Variants in MYO7A observed in about 807,000 individuals in gnomAD.
MYO7A encodes the protein unconventional myosin-VIIa.
Under a neutral mutation model 263.8 loss-of-function variants are expected in MYO7A, and 210 were observed. The ratio of observed to expected loss-of-function variants is 0.80; its 90% CI spans 0.71 to 0.89. MYO7A has a LOEUF of 0.89. Ranked by LOEUF, MYO7A falls within the 40% of genes least tolerant of loss-of-function variation. MYO7A has a pLI of 0.00. For synonymous variants in MYO7A, 1,239 were observed against 1,197.3 expected (o/e 1.03, Z -0.72); for missense variants, 2,820 against 2,968.3 (o/e 0.95, Z 1.16).
chr11:77,165,457 C>T (rs1953447053), intron 14 of MYO7A, among the ~76,000 whole-genome samples: 2 of 152,314 alleles, frequency 1.3e-5, no homozygotes, highest in Middle Eastern at 3.4e-3. Context: ...CAGAGAATCT[C>T]CTTTGCACCA....
intron 33 of MYO7A, 143 bp from the exon 34 acceptor site, chr11:77,198,352 C>T (rs77410869): frequency 0.016 from 17,954 of 1,142,698 alleles, 213 homozygotes; most frequent in Middle Eastern, 0.019. Flanking sequence ...TGGCACGTAG[C>T]GAGTTTGTGC....
At chr11:77,202,156 C>T (rs971068034) in intron 36 of MYO7A, 144 bp from the exon 37 acceptor site, 5 of 1,076,562 alleles carry the variant, frequency 4.6e-6, no homozygotes, top group South Asian at 2.0e-5. Flanking sequence ...CAAGGAGGAA[C>T]GGGGCTCCCA....
At chr11:77,145,747 T>C (rs2135677510) in intron 3 of MYO7A, among the ~76,000 whole-genome samples, 1 of 152,280 alleles carries the variant, frequency 6.6e-6, no homozygotes, top group South Asian at 2.1e-4. Context: ...GTTGAAGTGC[T>C]GCTGGCCCAG....
At chr11:77,203,287 T>C in intron 38 of MYO7A, 70 bp downstream of exon 38, 1 of 1,500,680 alleles carries the variant, frequency 6.7e-7, no homozygotes, top group South Asian at 1.3e-5. Context: ...CACACTGCCT[T>C]CCTCCTGAGG....
intron 35 of MYO7A, among the ~76,000 whole-genome samples, chr11:77,201,183 C>T (rs147650414): frequency 1.1e-3 from 173 of 152,208 alleles, no homozygotes; most frequent in African/African-American, 4.0e-3. Context: ...GGAGGAGAGG[C>T]GAGGTGGAAG....
chr11:77,194,007 G>A (rs1449769199), intron 31 of MYO7A: 1 of 509,768 alleles, frequency 2.0e-6, no homozygotes, highest in South Asian at 1.5e-5. Context: ...TCTGCTGTTT[G>A]TCAGCTCTGG....
At position 77,211,331 on chromosome 11, in the gene MYO7A, G is replaced by C; in HGVS notation, c.6231G>C (p.Trp2077Cys). The change falls in exon 45 of 49, where the codon TGG (tryptophan) becomes TGC (cysteine). Residue 2077 changes from tryptophan (W) to cysteine (C), a missense_variant. Physicochemically the swap from Trp to Cys is radical, Grantham distance 215. Transcript: ENST00000409709. ...DLIRQVSPDDWKRSIVAYFNK... is the reference protein window; with the variant it reads ...DLIRQVSPDDCKRSIVAYFNK... ...TCCGGCAGGTCTCACCTGATGACTG[G>C]AAGCGGGTGAGCATGGGGTGGGCAT... 1 of 1,578,616 alleles carries C rather than the reference G, an allele frequency of 6.3e-7. No homozygotes were observed. The highest frequency in any genetic ancestry group is 8.6e-7 in the Non-Finnish European group (1 of 1,162,442).
intron 41 of MYO7A, chr11:77,206,942 T>G: frequency 1.0e-5 from 2 of 192,800 alleles, no homozygotes; most frequent in Admixed American, 5.7e-5. Context: ...CCCCTCCGCT[T>G]TTGGGTTTGC....
intron 15 of MYO7A, among the ~76,000 whole-genome samples, chr11:77,169,418 C>T (rs1336018434): frequency 6.6e-6 from 1 of 152,244 alleles, no homozygotes; most frequent in Non-Finnish European, 1.5e-5. Flanking sequence ...CCAAGAGACA[C>T]CTATTCACTC....
chr11:77,180,288 C>A, intron 21 of MYO7A, 86 bp from the exon 22 acceptor site: 1 of 967,792 alleles, frequency 1.0e-6, no homozygotes, highest in East Asian at 2.9e-5. Context: ...TTCCAGAACT[C>A]AGAGTTGGGT....
Position 77,158,405 on chromosome 11 carries a change from G to A in MYO7A, c.978G>A (p.Leu326=). The A allele has an allele frequency of 6.2e-7, 1 of 1,612,438 alleles. No homozygotes were observed. The highest frequency in any genetic ancestry group is 1.3e-5 in the African/African-American group (1 of 75,018). Residue 326 remains leucine (L), a synonymous_variant, in exon 9 of 49, where the codon CTG becomes CTA. Transcript: ENST00000409709. ...WEISKLLAAI[L]HLGNLQYEAR... is the part of the protein sequence containing the mutation. ...TCTCGAAGCTCCTGGCTGCCATCCT[G>A]CACCTGGGCAACCTGCAGTATGAGG...
Position 77,204,191 on chromosome 11 carries a change from T to C in MYO7A, c.5442T>C (p.Tyr1814=), listed in dbSNP as rs1407313220. ...LKAEPLKDEA[Y]VQILKQLTDN... is the part of the protein sequence containing the mutation. ...CCGAGCCCCTGAAGGACGAGGCATA[T>C]GTGCAGATCCTGAAGCAGCTGACCG... The change falls in exon 39 of 49, where the codon TAT becomes TAC. Residue 1814 remains tyrosine, a synonymous_variant. Coordinates refer to ENST00000409709, the MANE Select transcript of MYO7A (RefSeq NM_000260.4). 1.9e-6 allele frequency: 3 copies of C among 1,584,226 alleles called. No homozygotes were observed. Among genetic ancestry groups the C allele is most frequent in the Non-Finnish European group, 1.7e-6 (2 of 1,165,558 alleles).
chr11:77,183,305 A>T, intron 26 of MYO7A, 148 bp downstream of exon 26: 1 of 716,510 alleles, frequency 1.4e-6, no homozygotes, highest in East Asian at 2.7e-5. Flanking sequence ...CAGGGACAGG[A>T]CAACATGAGT....
intron 10 of MYO7A, 59 bp from the exon 11 acceptor site, chr11:77,160,104 G>C: frequency 2.0e-6 from 3 of 1,530,526 alleles, no homozygotes; most frequent in Non-Finnish European, 2.6e-6. Context: ...AGGGATCCGG[G>C]TGTGGGTGGA....
At position 77,156,773 on chromosome 11, in the gene MYO7A, T is replaced by C; in HGVS notation, c.584T>C (p.Ile195Thr). 1 of 1,613,964 alleles carries C rather than the reference T, an allele frequency of 6.2e-7. No homozygotes were observed. The highest frequency in any genetic ancestry group is 8.5e-7 in the Non-Finnish European group (1 of 1,179,880). Residue 195 changes from isoleucine (I) to threonine (T), a missense_variant, in exon 6 of 49, where the codon ATT (isoleucine) becomes ACT (threonine). Transcript: ENST00000409709. ...IEQQVLEATP[I>T]LEAFGNAKTI... ...CAGCAGGTCTTGGAGGCCACCCCCA[T>C]TCTGGAAGGTAGGACCAGAGTTCCG...
chr11:77,159,403 G>GGCCCCCCCCC, intron 9 of MYO7A, 44 bp from the exon 10 acceptor site: 5 of 711,714 alleles, frequency 7.0e-6, no homozygotes, highest in Admixed American at 1.9e-5. Context: ...TGCCCCTGTT[G>GGCCCCCCCCC]CCCACCCTCC....
chr11:77,176,119 G>A (rs1010582265), intron 18 of MYO7A, among the ~76,000 whole-genome samples: 5 of 152,194 alleles, frequency 3.3e-5, no homozygotes, highest in African/African-American at 4.8e-5. Context: ...TGGCTGTCCC[G>A]GATGACAGGG....
intron 4 of MYO7A, among the ~76,000 whole-genome samples, chr11:77,149,509 T>C (rs1951821862): frequency 6.6e-6 from 1 of 152,104 alleles, no homozygotes; most frequent in African/African-American, 2.4e-5. Flanking sequence ...GAAGGGGTGC[T>C]AGGGCCCAGG....
intron 37 of MYO7A, among the ~76,000 whole-genome samples, chr11:77,202,722 G>T (rs970773311): frequency 6.7e-6 from 1 of 149,554 alleles, no homozygotes; most frequent in East Asian, 2.0e-4. Context: ...CCAGCACTGT[G>T]ATGAGGATGC....
Sources: allele counts gnomAD v4.1 joint callset (sites outside exome capture counted in the v4.1 genomes callset), GRCh38; gene constraint gnomAD v4.1.1; transcripts MANE v1.5; gene names NCBI Gene and HGNC (gene_info 2026-07-23, HGNC 2026-07-21).